The following CACNA1C variants were observed in gnomAD, a reference collection of about 807,000 sequenced individuals.
CACNA1C encodes the protein voltage-dependent L-type calcium channel subunit alpha-1C.
CACNA1C carries 30 observed loss-of-function variants against 229.0 expected under a neutral mutation model. That is an observed-to-expected ratio of 0.13 (90% confidence interval 0.10 to 0.18). The LOEUF is 0.18. Ranked by LOEUF, CACNA1C falls within the 10% of genes least tolerant of loss-of-function variation. The probability of loss-of-function intolerance (pLI) is 1.00; values close to 1 mark genes in which losing one functional copy is unlikely to be tolerated. For synonymous variants in CACNA1C, 1,114 were observed against 1,132.5 expected (o/e 0.98, Z 0.33); for missense variants, 1,658 against 2,845.0 (o/e 0.58, Z 9.49).
intron 1 of CACNA1C, among the ~76,000 whole-genome samples, chr12:2,109,824 T>TC (rs1007686966): frequency 6.6e-6 from 1 of 152,088 alleles, no homozygotes; most frequent in African/African-American, 2.4e-5. Context: ...TTAGAACTTC[T>TC]CCCCCATGGT....
At chr12:2,340,487 A>G (rs1057487412) in intron 3 of CACNA1C, among the ~76,000 whole-genome samples, 2 of 152,232 alleles carry the variant, frequency 1.3e-5, no homozygotes, top group Non-Finnish European at 2.9e-5. Context: ...TTACTCTTCT[A>G]AAACACAACC....
At chr12:2,368,978 G>A (rs1245506929) in intron 3 of CACNA1C, among the ~76,000 whole-genome samples, 1 of 152,040 alleles carries the variant, frequency 6.6e-6, no homozygotes, top group African/African-American at 2.4e-5. Context: ...CAAACAACCA[G>A]GAAACAGCCT....
intron 34 of CACNA1C, among the ~76,000 whole-genome samples, chr12:2,664,046 T>C (rs2095930749): frequency 1.3e-5 from 2 of 152,170 alleles, no homozygotes; most frequent in Non-Finnish European, 1.5e-5. Flanking sequence ...GGCCAGAGAA[T>C]AGAGTATCTT....
intron 3 of CACNA1C, among the ~76,000 whole-genome samples, chr12:2,369,163 T>C (rs1170678021): frequency 6.6e-6 from 1 of 152,214 alleles, no homozygotes; most frequent in East Asian, 1.9e-4. Flanking sequence ...AAGTAGCATA[T>C]ACTGTGTACT....
chr12:2,214,298 G>A (rs947971952), intron 3 of CACNA1C, among the ~76,000 whole-genome samples: 9 of 152,128 alleles, frequency 5.9e-5, no homozygotes, highest in Non-Finnish European at 1.3e-4. Context: ...TATGATGTGG[G>A]TAACTTGCTC....
At chr12:2,170,884 G>A (rs1208102726) in intron 3 of CACNA1C, among the ~76,000 whole-genome samples, 1 of 152,236 alleles carries the variant, frequency 6.6e-6, no homozygotes, top group Non-Finnish European at 1.5e-5. Context: ...AGGGGTTGGT[G>A]GGCATGAGAA....
chr12:2,341,403 T>C (rs987483627), intron 3 of CACNA1C, among the ~76,000 whole-genome samples: 2 of 152,226 alleles, frequency 1.3e-5, no homozygotes, highest in African/African-American at 4.8e-5. Flanking sequence ...TGAGATCCAA[T>C]TTCCTGAGGA....
chr12:2,660,282 G>C (rs543574013), intron 34 of CACNA1C: 1 of 152,054 alleles, frequency 6.6e-6, no homozygotes, highest in African/African-American at 2.4e-5. Context: ...ACAAAAAGAT[G>C]GGGGGGAGAG....
At position 2,512,953 on chromosome 12, in the gene CACNA1C, C is replaced by T. The variant is rs200330469; in HGVS notation, c.1359C>T (p.Asp453=). 194 of 1,608,994 alleles carry T rather than the reference C, an allele frequency of 1.2e-4. No individual in the cohort carries two copies. The African/African-American group carries it at 1.8e-3, about 15-fold the overall frequency. The part of the protein sequence containing the change: ...QAEDIDPENE[D]EGMDEEKPRN... ...AAGACATCGATCCTGAGAATGAGGACGAAGGCATGGATGAGGAGAAGCCCC... is the reference window on the plus strand; with the variant it reads ...AAGACATCGATCCTGAGAATGAGGATGAAGGCATGGATGAGGAGAAGCCCC... The change falls in exon 9 of 47, where the codon GAC becomes GAT. Residue 453 remains aspartate (D), a synonymous_variant. Transcript: ENST00000399655. The surrounding 1 kb of genome is among the most constrained non-coding windows in gnomAD (Gnocchi z 4.3).
chr12:2,306,958 T>G (rs1289704393), intron 3 of CACNA1C, among the ~76,000 whole-genome samples: 1 of 152,204 alleles, frequency 6.6e-6, no homozygotes, highest in East Asian at 1.9e-4. Flanking sequence ...CTGTTGGCAC[T>G]TCCCCAGCCC....
At chr12:2,682,431 CTTGT>C in intron 42 of CACNA1C, 115 bp from the exon 43 acceptor site, 1 of 1,193,390 alleles carries the variant, frequency 8.4e-7, no homozygotes, top group Non-Finnish European at 1.2e-6. Context: ...CGTGTGTGTG[CTTGT>C]GTTTGTGCAC....
intron 5 of CACNA1C, among the ~76,000 whole-genome samples, chr12:2,463,737 T>C (rs1396427214): frequency 6.6e-6 from 1 of 152,204 alleles, no homozygotes; most frequent in Non-Finnish European, 1.5e-5. Flanking sequence ...TTGATTACAC[T>C]GCAGAGGTGA....
intron 1 of CACNA1C, chr12:2,004,397 T>C (rs2042942180): frequency 1.9e-6 from 3 of 1,612,188 alleles, no homozygotes; most frequent in Admixed American, 1.7e-5. Context: ...GTCGCGCCCC[T>C]TTCCCACCAG....
chr12:2,440,635 G>C (rs1221236529), intron 3 of CACNA1C, among the ~76,000 whole-genome samples: 1 of 152,138 alleles, frequency 6.6e-6, no homozygotes, highest in South Asian at 2.1e-4. Flanking sequence ...AGCTCCTGTT[G>C]GGCACAGTAA....
At position 2,696,502 on chromosome 12, in the gene CACNA1C, C is replaced by T. The variant is rs2097843231; in HGVS notation, c.*5303C>T. The T allele has an allele frequency of 6.6e-6, 1 of 151,938 alleles. No homozygotes were observed. The highest frequency in any genetic ancestry group is 6.6e-5 in the Admixed American group (1 of 15,236). 9.4% of individuals were successfully genotyped at this position (151,938 alleles called of 1,614,324 possible). A position where few individuals can be genotyped will look rare whatever the true frequency, so the allele number is the denominator to read the frequency against. On this transcript the variant is annotated 3_prime_UTR_variant, in exon 47 of 47. Transcript: ENST00000399655. ...CTAAGGAATTTGACTTTGTAGGGATCCCAGAAAGGGCACTGTGCCACTTCC... is the reference window on the plus strand; with the variant it reads ...CTAAGGAATTTGACTTTGTAGGGATTCCAGAAAGGGCACTGTGCCACTTCC...
At chr12:2,310,572 G>A (rs2095381951) in intron 3 of CACNA1C, among the ~76,000 whole-genome samples, 1 of 152,144 alleles carries the variant, frequency 6.6e-6, no homozygotes, top group Non-Finnish European at 1.5e-5. Flanking sequence ...TATTTCTCAA[G>A]CCCCAGCCCT....
intron 3 of CACNA1C, chr12:2,223,346 T>C (rs1329110677): frequency 6.6e-6 from 1 of 152,182 alleles, no homozygotes; most frequent in Non-Finnish European, 1.5e-5. Context: ...CATTGAGGTG[T>C]AGAAAATATA....
At chr12:2,194,227 ACTC>A (rs200190493) in intron 3 of CACNA1C, among the ~76,000 whole-genome samples, 1,003 of 84,174 alleles carry the variant, frequency 0.012, 5 homozygotes, top group Middle Eastern at 0.032. Flanking sequence ...TCCTCCTTCT[ACTC>A]CTTTTGTTCC....
chr12:2,631,023 A>T (rs994429809), intron 29 of CACNA1C, among the ~76,000 whole-genome samples: 1 of 152,220 alleles, frequency 6.6e-6, no homozygotes, highest in Non-Finnish European at 1.5e-5. Flanking sequence ...GTGCACAGCC[A>T]GGCGGTTAAC....
Sources: gnomAD v4.1 joint callset for allele counts (sites outside exome capture counted in the v4.1 genomes callset) on GRCh38, gnomAD v4.1.1 for gene constraint, Gnocchi (gnomAD v3.1) non-coding constraint, MANE v1.5 for transcripts, NCBI Gene and HGNC (gene_info 2026-07-23, HGNC 2026-07-21) for gene names.